Variants in WASHC3 observed in about 807,000 individuals in gnomAD.
WASHC3 encodes WASH complex subunit CCDC53.
In WASHC3, 24 loss-of-function variants were observed where a neutral mutation model predicts 26.1. The ratio of observed to expected loss-of-function variants is 0.92; its 90% CI spans 0.66 to 1.29. WASHC3 has a LOEUF of 1.29. Ranked by LOEUF, WASHC3 falls within the 50% of genes most tolerant of loss-of-function variation. WASHC3 has a pLI of 0.00. For synonymous variants in WASHC3, 77 were observed against 75.7 expected (o/e 1.02, Z -0.09); for missense variants, 214 against 229.6 (o/e 0.93, Z 0.44).
intron 4 of WASHC3, chr12:102,040,554 A>G (rs1455610186): frequency 1.3e-5 from 2 of 152,084 alleles, no homozygotes; most frequent in Non-Finnish European, 2.9e-5. Context: ...CATTTCAGAT[A>G]CTGATGGAAC....
intron 5 of WASHC3, among the ~76,000 whole-genome samples, chr12:102,031,480 C>A (rs1040872191): frequency 6.6e-6 from 1 of 152,100 alleles, no homozygotes; most frequent in Admixed American, 6.5e-5. Context: ...GTCAGACCTG[C>A]CTAACTTACT....
intron 2 of WASHC3, among the ~76,000 whole-genome samples, chr12:102,052,465 G>A (rs1049464697): frequency 3.9e-5 from 6 of 152,184 alleles, no homozygotes; most frequent in Non-Finnish European, 7.4e-5. Flanking sequence ...CACTGGGACC[G>A]TAGGTTCCAG....
intron 6 of WASHC3, among the ~76,000 whole-genome samples, chr12:102,022,541 C>T (rs1877002158): frequency 6.6e-6 from 1 of 152,128 alleles, no homozygotes; most frequent in African/African-American, 2.4e-5. Context: ...CAGGGTTACA[C>T]AACTAGAAAG....
At position 102,013,142 on chromosome 12, in the gene WASHC3, T is replaced by C. The variant is rs753475350; in HGVS notation, c.551A>G (p.Glu184Gly). ...AAAAGAAGATTCGCTATCTGAACTTTCTTCTACAGTTTTCTCACTTTCGCC... is the reference window on the plus strand; with the variant it reads ...AAAAGAAGATTCGCTATCTGAACTTCCTTCTACAGTTTTCTCACTTTCGCC... ...PDGESEKTVEESSDSESSFSD is the reference protein window; with the variant it reads ...PDGESEKTVEGSSDSESSFSD The change falls in exon 7 of 7, where the codon GAA becomes GGA. Residue 184 changes from glutamate (E) to glycine (G), a missense_variant. Glu to Gly is a moderately conservative substitution (Grantham distance 98). Transcript: ENST00000240079. 2.6e-6 allele frequency: 4 copies of C among 1,549,170 alleles called. No homozygotes were observed. In the East Asian group the frequency reaches 9.4e-5, roughly 37 times the overall value.
At chr12:102,058,074 T>C (rs188560532) in intron 2 of WASHC3, among the ~76,000 whole-genome samples, 38 of 152,064 alleles carry the variant, frequency 2.5e-4, no homozygotes, top group African/African-American at 8.9e-4. Flanking sequence ...AGCCCAGAAA[T>C]AAATCCATGC....
At chr12:102,047,242 C>A (rs1261140624) in intron 2 of WASHC3, among the ~76,000 whole-genome samples, 1 of 152,084 alleles carries the variant, frequency 6.6e-6, no homozygotes, top group African/African-American at 2.4e-5. Flanking sequence ...TACACAGCAT[C>A]CTGATTGTAT....
intron 6 of WASHC3, among the ~76,000 whole-genome samples, chr12:102,019,072 T>A (rs1876840598): frequency 6.6e-6 from 1 of 152,204 alleles, no homozygotes; most frequent in Non-Finnish European, 1.5e-5. Flanking sequence ...GTGCTGGGAT[T>A]ACAGGCATGA....
intron 2 of WASHC3, 30 bp from the exon 3 acceptor site, chr12:102,046,149 C>T: frequency 7.6e-7 from 1 of 1,316,608 alleles, no homozygotes; most frequent in Non-Finnish European, 1.1e-6. Flanking sequence ...GACATAAAGA[C>T]TTTAATTAAA....
chr12:102,022,618 T>C (rs1210301913), intron 6 of WASHC3, among the ~76,000 whole-genome samples: 1 of 152,206 alleles, frequency 6.6e-6, no homozygotes, highest in Non-Finnish European at 1.5e-5. Flanking sequence ...AAGCCGGCCT[T>C]ATCCTGAGCC....
intron 2 of WASHC3, among the ~76,000 whole-genome samples, chr12:102,048,853 A>G (rs10860835): frequency 0.036 from 5,433 of 152,282 alleles, 394 homozygotes; most frequent in East Asian, 0.3. Flanking sequence ...TGGTTTCACT[A>G]GACTGTCAAA....
chr12:102,033,735 T>C (rs1219440253), intron 5 of WASHC3, among the ~76,000 whole-genome samples: 1 of 151,902 alleles, frequency 6.6e-6, no homozygotes, highest in East Asian at 1.9e-4. Context: ...GTTTTTTTTT[T>C]CAGAAAGAGT....
chr12:102,044,273 T>A, intron 3 of WASHC3, 61 bp from the exon 4 acceptor site: 3 of 731,372 alleles, frequency 4.1e-6, no homozygotes, highest in Non-Finnish European at 6.6e-6. Context: ...AAACACTATT[T>A]TTAATAGCTG....
At chr12:102,018,161 G>A (rs532518482) in intron 6 of WASHC3, among the ~76,000 whole-genome samples, 2 of 152,240 alleles carry the variant, frequency 1.3e-5, no homozygotes, top group East Asian at 3.9e-4. Context: ...TTAAGGCTGA[G>A]TAATATTCCA....
intron 3 of WASHC3, among the ~76,000 whole-genome samples, chr12:102,045,594 A>G (rs1878128084): frequency 6.6e-6 from 1 of 152,204 alleles, no homozygotes; most frequent in Admixed American, 6.5e-5. Context: ...TTTCTTAGTT[A>G]TTATTTGCAA....
rs2136700876 is a variant in WASHC3 at position 102,061,958 on chromosome 12, T to C, written c.5A>G (p.Asp2Gly). 1 of 1,597,468 alleles carries C rather than the reference T, an allele frequency of 6.3e-7. No homozygotes were observed. The highest frequency in any genetic ancestry group is 1.1e-5 in the South Asian group (1 of 88,342). M[D>G]EDGLPLMGSG... ...CCCCATGAGAGGAAGCCCGTCCTCATCCATCTCCTCAGCGGGCGGTGGACC... is the reference window on the plus strand; with the variant it reads ...CCCCATGAGAGGAAGCCCGTCCTCACCCATCTCCTCAGCGGGCGGTGGACC... Residue 2 changes from aspartate (D) to glycine (G), a missense_variant, in exon 1 of 7, where the codon GAT (aspartate) becomes GGT (glycine). Coordinates refer to ENST00000240079, the MANE Select transcript of WASHC3 (RefSeq NM_016053.4).
intron 4 of WASHC3, among the ~76,000 whole-genome samples, chr12:102,042,736 G>A (rs762098479): frequency 6.6e-6 from 1 of 152,140 alleles, no homozygotes; most frequent in Non-Finnish European, 1.5e-5. Flanking sequence ...CAACATCATC[G>A]TGATCTAAAA....
chr12:102,044,882 CCTT>C (rs991908780), intron 3 of WASHC3, among the ~76,000 whole-genome samples: 1 of 152,084 alleles, frequency 6.6e-6, no homozygotes, highest in African/African-American at 2.4e-5. Flanking sequence ...CCCATACAAA[CCTT>C]CTTTTCTGAG....
At chr12:102,056,456 A>G (rs763235368) in intron 2 of WASHC3, among the ~76,000 whole-genome samples, 6 of 152,154 alleles carry the variant, frequency 3.9e-5, no homozygotes, top group Non-Finnish European at 8.8e-5. Flanking sequence ...GCATGAGGGA[A>G]TTTTTGGAGT....
At chr12:102,050,493 A>ACACAC in intron 2 of WASHC3, 1 of 370,644 alleles carries the variant, frequency 2.7e-6, no homozygotes, top group African/African-American at 2.9e-5. Context: ...CACACACACA[A>ACACAC]TTAGCCGGGT....
Sources: gnomAD v4.1 joint callset for allele counts (sites outside exome capture counted in the v4.1 genomes callset) on GRCh38, gnomAD v4.1.1 for gene constraint, MANE v1.5 for transcripts, NCBI Gene and HGNC (gene_info 2026-07-23, HGNC 2026-07-21) for gene names.